SMARCA2: variants seen among roughly 807,000 people sequenced by gnomAD.
SMARCA2 encodes the protein SWI/SNF related BAF chromatin remodeling complex subunit ATPase 2.
A neutral mutation model predicts 199.8 loss-of-function variants in SMARCA2; 61 were observed. That is an observed-to-expected ratio of 0.31 (90% CI 0.25 to 0.38). The LOEUF is 0.38. Ranked by LOEUF, SMARCA2 falls within the 10% of genes least tolerant of loss-of-function variation. The pLI is 1.00. For missense variants in SMARCA2, 1,344 were observed against 2,012.2 expected, an observed-to-expected ratio of 0.67 and a Z score of 6.35; for synonymous variants, 935 against 732.0, an observed-to-expected ratio of 1.28 and a Z score of -4.48.
At chr9:2,127,964 GT>G (rs3842631) in intron 27 of SMARCA2, among the ~76,000 whole-genome samples, 42,778 of 150,084 alleles carry the variant, frequency 0.29, 11,434 homozygotes, top group African/African-American at 0.7. Context: ...ACACAGTTCA[GT>G]TTTTTTTTTA....
chr9:2,066,937 G>C (rs1820864931), intron 9 of SMARCA2, among the ~76,000 whole-genome samples: 1 of 152,204 alleles, frequency 6.6e-6, no homozygotes, highest in South Asian at 2.1e-4. Flanking sequence ...AGTTGTGTTT[G>C]TTTTGCTTTG....
intron 4 of SMARCA2, chr9:2,044,406 A>G (rs1411559115): frequency 2.0e-5 from 3 of 152,260 alleles, no homozygotes; most frequent in Admixed American, 6.5e-5. Context: ...AGAAATTGCT[A>G]TAGAAAAAGA....
rs1188328301 is a variant in SMARCA2 at position 2,191,484 on chromosome 9, C to G, written c.4737+76C>G. On this transcript the variant is annotated intron_variant, in intron 33 of 33. Transcript: ENST00000349721. The stretch of plus-strand genomic sequence containing the variant: ...GCTGGCCTCTTGCATTTCCATGCCC[C>G]TTCAGCCTTTTCGCTTTATTACCCA... 19 of 1,516,636 alleles carry G rather than the reference C, an allele frequency of 1.3e-5. No individual in the cohort carries two copies. The South Asian group carries it at 2.2e-4, about 18-fold the overall frequency. The allele number at this position is 1,516,636 out of a possible 1,614,324, so 93.9% of individuals were successfully genotyped here. A position where few individuals can be genotyped will look rare whatever the true frequency, so the allele number is the denominator to read the frequency against.
intron 5 of SMARCA2, among the ~76,000 whole-genome samples, chr9:2,051,393 C>G (rs1024537461): frequency 6.6e-6 from 1 of 152,152 alleles, no homozygotes; most frequent in Non-Finnish European, 1.5e-5. Context: ...GTGCACCCCC[C>G]TCGCTCCCAC....
chr9:2,085,443 T>C (rs1249961916), intron 17 of SMARCA2, among the ~76,000 whole-genome samples: 3 of 152,162 alleles, frequency 2.0e-5, no homozygotes, highest in African/African-American at 7.2e-5. Flanking sequence ...GTAGACCCCA[T>C]AGCAAAATCA....
At chr9:2,171,850 T>A (rs1826263066) in intron 29 of SMARCA2, among the ~76,000 whole-genome samples, 1 of 152,178 alleles carries the variant, frequency 6.6e-6, no homozygotes, top group Non-Finnish European at 1.5e-5. Flanking sequence ...CCCTCTTCCA[T>A]CAAGATGGTC....
At chr9:2,049,377 A>G (rs1820020975) in intron 5 of SMARCA2, among the ~76,000 whole-genome samples, 3 of 152,196 alleles carry the variant, frequency 2.0e-5, no homozygotes, top group Non-Finnish European at 2.9e-5. Context: ...AAGTAGTACT[A>G]TTTGGCCTAT....
At chr9:2,122,341 A>G (rs1294630586) in intron 26 of SMARCA2, among the ~76,000 whole-genome samples, 7 of 151,112 alleles carry the variant, frequency 4.6e-5, no homozygotes, top group Non-Finnish European at 4.4e-5. Flanking sequence ...TTTTTTTCTT[A>G]TTAGCTCTCT....
At chr9:2,160,372 G>C (rs987908286) in intron 27 of SMARCA2, 1 of 530,562 alleles carries the variant, frequency 1.9e-6, no homozygotes, top group African/African-American at 1.9e-5. Context: ...TGTGCATGTT[G>C]CTTCTATGGA....
chr9:2,118,234 T>G (rs1164149699), intron 25 of SMARCA2, among the ~76,000 whole-genome samples: 2 of 152,222 alleles, frequency 1.3e-5, no homozygotes, highest in Non-Finnish European at 2.9e-5. Flanking sequence ...AGCTAGTCTG[T>G]GTCCTTGTCA....
rs532282670 is a variant in SMARCA2, at chr9:2,117,013, C to G, written c.3684+964C>G. On this transcript the variant is annotated intron_variant, in intron 25 of 33. Coordinates refer to ENST00000349721, the MANE Select transcript of SMARCA2 (RefSeq NM_003070.5). ...CTGAGTCTTTTAAAAGTCTTATAAA[C>G]AAATACTCCTCAACTTACAATGGTG... Among the ~76,000 whole-genome samples the G allele has an allele frequency of 5.0e-4, 76 of 152,260 alleles. 1 individual carries two copies. The highest frequency in any genetic ancestry group is 1.8e-3 in the African/African-American group (76 of 41,560).
chr9:2,142,363 T>A (rs896656583), intron 27 of SMARCA2, among the ~76,000 whole-genome samples: 4 of 152,242 alleles, frequency 2.6e-5, no homozygotes, highest in African/African-American at 7.2e-5. Flanking sequence ...ATTGGTTGTT[T>A]CAAAGTTAAT....
chr9:2,037,621 C>G (rs1819390373), intron 3 of SMARCA2, among the ~76,000 whole-genome samples: 1 of 152,162 alleles, frequency 6.6e-6, no homozygotes, highest in South Asian at 2.1e-4. Flanking sequence ...ATTCTCCGGC[C>G]TCTGTGATTC....
At chr9:2,126,260 G>A (rs1823690282) in intron 27 of SMARCA2, among the ~76,000 whole-genome samples, 1 of 152,218 alleles carries the variant, frequency 6.6e-6, no homozygotes, top group Non-Finnish European at 1.5e-5. Flanking sequence ...AACATACTAA[G>A]TCATCCAAGA....
chr9:2,036,947 G>T (rs1819361707), intron 3 of SMARCA2, among the ~76,000 whole-genome samples: 1 of 152,158 alleles, frequency 6.6e-6, no homozygotes, highest in South Asian at 2.1e-4. Flanking sequence ...GGCATCTTAT[G>T]ATTTGCCATG....
At chr9:2,186,275 T>A (rs1448557931) in intron 32 of SMARCA2, 47 bp downstream of exon 32, 42 of 1,565,738 alleles carry the variant, frequency 2.7e-5, no homozygotes, top group Non-Finnish European at 3.6e-5. Context: ...CCTCCTCACC[T>A]GCATAGCTGT....
chr9:2,051,437 C>T (rs184843510), intron 5 of SMARCA2, among the ~76,000 whole-genome samples: 1 of 152,260 alleles, frequency 6.6e-6, no homozygotes, highest in East Asian at 1.9e-4. Context: ...ACACAGTGCC[C>T]CATCTCCCCG....
chr9:2,068,719 A>G (rs903553973), intron 9 of SMARCA2, among the ~76,000 whole-genome samples: 32 of 152,096 alleles, frequency 2.1e-4, no homozygotes, highest in Admixed American at 4.6e-4. Context: ...GGAAATGACT[A>G]AAGTTTTTTT....
At position 2,073,303 on chromosome 9, in the gene SMARCA2, A is replaced by G; in HGVS notation, c.1838A>G (p.Lys613Arg). The change falls in exon 11 of 34, where the codon AAA becomes AGA. Residue 613 changes from lysine to arginine, a missense_variant. Transcript: ENST00000349721. ...GTTCTGTTCGGACCAGAAGCACCCA[A>G]AGCAAGTCAGCTGGACGCCTGGCTG... ...GKVLFGPEAP[K>R]ASQLDAWLEM... 1.2e-6 allele frequency: 2 copies of G among 1,614,204 alleles called. No homozygotes were observed. Among genetic ancestry groups the G allele is most frequent in the East Asian group, 4.5e-5 (2 of 44,878 alleles).
Sources: allele counts gnomAD v4.1 joint callset (sites outside exome capture counted in the v4.1 genomes callset), GRCh38; gene constraint gnomAD v4.1.1; transcripts MANE v1.5; gene names NCBI Gene and HGNC (gene_info 2026-07-23, HGNC 2026-07-21).